The following SENP1 variants were observed in gnomAD, a reference collection of about 807,000 sequenced individuals.
SENP1 encodes the protein SUMO specific peptidase 1.
SENP1 carries 21 observed loss-of-function variants against 93.0 expected under a neutral mutation model. That is an observed-to-expected ratio of 0.23 (90% CI 0.16 to 0.33). SENP1 has a LOEUF of 0.33. SENP1 is among the 10% of genes least tolerant of loss of function. SENP1 has a pLI of 1.00. For missense variants in SENP1, 591 were observed against 758.7 expected (o/e 0.78, Z 2.60); for synonymous variants, 256 against 259.6 (o/e 0.99, Z 0.13).
intron 1 of SENP1, chr12:48,105,652 A>G (rs1294172386): frequency 4.0e-5 from 17 of 429,984 alleles, no homozygotes; most frequent in Middle Eastern, 1.4e-3. Flanking sequence ...CGGTGAAAAC[A>G]GCTCTCCCCA....
At chr12:48,090,911 G>A (rs1041103734) in intron 4 of SENP1, among the ~76,000 whole-genome samples, 1 of 152,128 alleles carries the variant, frequency 6.6e-6, no homozygotes, top group African/African-American at 2.4e-5. Context: ...GCCACATATA[G>A]TGAGAGTTTA....
intron 6 of SENP1, among the ~76,000 whole-genome samples, chr12:48,082,790 A>T (rs146171421): frequency 6.6e-5 from 10 of 152,240 alleles, no homozygotes; most frequent in Non-Finnish European, 1.2e-4. Context: ...CTGTAACTTC[A>T]AAAAAGGTCT....
chr12:48,095,989 C>G (rs986547754), intron 4 of SENP1, among the ~76,000 whole-genome samples: 1 of 152,170 alleles, frequency 6.6e-6, no homozygotes, highest in Non-Finnish European at 1.5e-5. Context: ...CAGAAATAAA[C>G]TTGCTCTGTG....
At chr12:48,093,531 G>A (rs527720893) in intron 4 of SENP1, among the ~76,000 whole-genome samples, 4 of 151,926 alleles carry the variant, frequency 2.6e-5, no homozygotes, top group East Asian at 1.9e-4. Context: ...TGATCCACCC[G>A]CCTTGGCCTC....
At chr12:48,085,143 C>T in intron 5 of SENP1, 6 of 1,420,868 alleles carry the variant, frequency 4.2e-6, no homozygotes, top group Non-Finnish European at 6.0e-6. Context: ...CATAGGGGAG[C>T]TTAACAAGAA....
At chr12:48,087,027 A>G (rs1944917893) in intron 5 of SENP1, among the ~76,000 whole-genome samples, 1 of 152,168 alleles carries the variant, frequency 6.6e-6, no homozygotes, top group South Asian at 2.1e-4. Flanking sequence ...CGACAGAGCA[A>G]GGCTCCGTCT....
At chr12:48,105,476 C>T in intron 1 of SENP1, 1 of 519,020 alleles carries the variant, frequency 1.9e-6, no homozygotes, top group South Asian at 1.4e-5. Flanking sequence ...AGGGTCCAGA[C>T]GTTTCTTTCT....
intron 6 of SENP1, among the ~76,000 whole-genome samples, chr12:48,078,730 CT>C (rs1944314106): frequency 1.3e-5 from 2 of 152,178 alleles, no homozygotes; most frequent in South Asian, 4.1e-4. Flanking sequence ...ACACATGTAA[CT>C]TTTTTGGCTT....
intron 4 of SENP1, among the ~76,000 whole-genome samples, chr12:48,094,759 A>G (rs1387217424): frequency 1.3e-5 from 2 of 152,174 alleles, no homozygotes; most frequent in Admixed American, 1.3e-4. Context: ...AACTTTGAGT[A>G]GAATTTTCTA....
intron 4 of SENP1, among the ~76,000 whole-genome samples, chr12:48,095,769 T>C (rs1180533699): frequency 6.6e-6 from 1 of 152,086 alleles, no homozygotes; most frequent in African/African-American, 2.4e-5. Context: ...GGGCAGATGA[T>C]AGATAAGTCA....
intron 9 of SENP1, 80 bp downstream of exon 9, chr12:48,071,587 G>T (rs1267878022): frequency 1.4e-5 from 14 of 1,021,082 alleles, no homozygotes; most frequent in Non-Finnish European, 2.1e-5. Flanking sequence ...CTACACTCCA[G>T]CCTGGGCAAC....
At chr12:48,089,213 GCA>G in intron 4 of SENP1, 1 of 1,477,880 alleles carries the variant, frequency 6.8e-7, no homozygotes, top group Non-Finnish European at 9.1e-7. Flanking sequence ...TGCCTTATCT[GCA>G]TCAATGTGAC....
chr12:48,067,737 G>A (rs1943395154), intron 9 of SENP1, among the ~76,000 whole-genome samples: 1 of 152,028 alleles, frequency 6.6e-6, no homozygotes, highest in African/African-American at 2.4e-5. Flanking sequence ...GCTTTAGGAC[G>A]CTGAGGTGGG....
chr12:48,086,907 C>T (rs929626468), intron 5 of SENP1, among the ~76,000 whole-genome samples: 1 of 151,956 alleles, frequency 6.6e-6, no homozygotes, highest in African/African-American at 2.4e-5. Flanking sequence ...GACATGGTGG[C>T]GGGCACCTGT....
At chr12:48,074,187 A>C in intron 8 of SENP1, 137 bp downstream of exon 8, 1 of 752,660 alleles carries the variant, frequency 1.3e-6, no homozygotes, top group Non-Finnish European at 2.1e-6. Context: ...CAGATTTTGG[A>C]ACATTTCGGA....
At chr12:48,095,532 T>C (rs996188901) in intron 4 of SENP1, among the ~76,000 whole-genome samples, 3 of 114,960 alleles carry the variant, frequency 2.6e-5, no homozygotes, top group South Asian at 3.1e-4. Flanking sequence ...GGAGACTCTG[T>C]GTCAAAAAAA....
intron 6 of SENP1, among the ~76,000 whole-genome samples, chr12:48,078,861 T>C (rs548425532): frequency 6.6e-6 from 1 of 152,376 alleles, no homozygotes; most frequent in South Asian, 2.1e-4. Flanking sequence ...GTTTTTGTTG[T>C]TGTTGTTGTT....
chr12:48,085,227 C>G (rs913539079), intron 5 of SENP1: 8 of 1,545,982 alleles, frequency 5.2e-6, no homozygotes, highest in Non-Finnish European at 7.1e-6. Flanking sequence ...CCGGCAATTT[C>G]TAAACCGGGA....
At chr12:48,071,119 A>G (rs1183495283) in intron 9 of SENP1, among the ~76,000 whole-genome samples, 1 of 152,126 alleles carries the variant, frequency 6.6e-6, no homozygotes, top group Non-Finnish European at 1.5e-5. Flanking sequence ...ATGAAAAAAG[A>G]GCAAGGCAGA....
Sources: gnomAD v4.1 joint callset for allele counts (sites outside exome capture counted in the v4.1 genomes callset) on GRCh38, gnomAD v4.1.1 for gene constraint, MANE v1.5 for transcripts, NCBI Gene and HGNC (gene_info 2026-07-23, HGNC 2026-07-21) for gene names.